KHDRBS2: variants seen among roughly 807,000 people sequenced by gnomAD.
KHDRBS2 encodes the protein KH domain-containing, RNA-binding, signal transduction-associated protein 2.
In KHDRBS2, 26 loss-of-function variants were observed where a neutral mutation model predicts 44.3. That is an observed-to-expected ratio of 0.59 (90% CI 0.43 to 0.81). The LOEUF is 0.81. Among genes scored for constraint, KHDRBS2 ranks in the 40% least tolerant of loss-of-function variants. The probability of loss-of-function intolerance (pLI) is 0.00; values close to 1 mark genes in which losing one functional copy is unlikely to be tolerated. For missense variants in KHDRBS2, 476 were observed against 433.1 expected (o/e 1.10, Z -0.88); for synonymous variants, 194 against 151.1 (o/e 1.28, Z -2.08).
chr6:61,998,453 T>C (rs9345889), intron 3 of KHDRBS2, among the ~76,000 whole-genome samples: 110,910 of 151,878 alleles, frequency 0.73, 41,241 homozygotes, highest in East Asian at 0.81. Context: ...ACATTTTGGT[T>C]TTAATTAATA....
rs10700035 is a variant in KHDRBS2, at chr6:61,916,965, ATTT to A, written c.484-15597_484-15595del. On this transcript the variant is annotated intron_variant, in intron 4 of 8. Coordinates refer to ENST00000281156, the MANE Select transcript of KHDRBS2 (RefSeq NM_152688.4). ...GGATGTGGAGAAACAGGAACTCTGT[ATTT>A]TTTTTTTTTTTTTTTTTTTTTGCTG... Among the ~76,000 whole-genome samples, 259 of 90,634 alleles carry A rather than the reference ATTT, an allele frequency of 2.9e-3. 1 individual carries two copies. Among genetic ancestry groups the A allele is most frequent in the Non-Finnish European group, 3.5e-3 (167 of 48,050 alleles). The allele number at this position is 90,634 out of a possible 152,430, so 59.5% of individuals were successfully genotyped here.
intron 3 of KHDRBS2, among the ~76,000 whole-genome samples, chr6:62,004,723 T>C (rs1037008896): frequency 6.6e-6 from 1 of 152,044 alleles, no homozygotes; most frequent in Non-Finnish European, 1.5e-5. Flanking sequence ...AAGAGAATTT[T>C]AGACCAATAT....
chr6:61,845,194 A>G (rs1035721037), intron 6 of KHDRBS2, among the ~76,000 whole-genome samples: 3 of 152,142 alleles, frequency 2.0e-5, no homozygotes, highest in African/African-American at 7.2e-5. Context: ...TAATTCAAAA[A>G]CGTGTAGCTT....
chr6:61,802,629 T>A (rs1786461888), intron 6 of KHDRBS2, among the ~76,000 whole-genome samples: 1 of 152,188 alleles, frequency 6.6e-6, no homozygotes, highest in Non-Finnish European at 1.5e-5. Flanking sequence ...ATGGCTCCCA[T>A]GTCCCTAAGT....
intron 4 of KHDRBS2, among the ~76,000 whole-genome samples, chr6:61,907,608 T>G (rs1805269168): frequency 6.6e-6 from 1 of 152,216 alleles, no homozygotes; most frequent in Admixed American, 6.5e-5. Flanking sequence ...GGAGTCCAGA[T>G]TCATTCTTCC....
At chr6:61,877,692 A>T (rs542226755) in intron 6 of KHDRBS2, among the ~76,000 whole-genome samples, 1 of 152,092 alleles carries the variant, frequency 6.6e-6, no homozygotes, top group South Asian at 2.1e-4. Flanking sequence ...ACCTCTAAAA[A>T]AATGGTGTAA....
chr6:61,769,224 C>T (rs941371105), intron 6 of KHDRBS2, among the ~76,000 whole-genome samples: 6 of 152,090 alleles, frequency 3.9e-5, no homozygotes, highest in African/African-American at 1.4e-4. Context: ...GTCTACGGAG[C>T]CCAGCATGAG....
chr6:62,151,765 G>A (rs1041448643), intron 2 of KHDRBS2, among the ~76,000 whole-genome samples: 2 of 152,180 alleles, frequency 1.3e-5, no homozygotes, highest in Non-Finnish European at 2.9e-5. Context: ...AAAACTGTCA[G>A]TAGATTGTCC....
At chr6:61,911,787 G>A (rs1455995718) in intron 4 of KHDRBS2, among the ~76,000 whole-genome samples, 1 of 151,680 alleles carries the variant, frequency 6.6e-6, no homozygotes, top group Non-Finnish European at 1.5e-5. Flanking sequence ...CTTTCTTGAA[G>A]CTCTTTGTAA....
intron 3 of KHDRBS2, among the ~76,000 whole-genome samples, chr6:61,998,053 G>A (rs1451333611): frequency 6.6e-6 from 1 of 151,960 alleles, no homozygotes; most frequent in Admixed American, 6.6e-5. Flanking sequence ...CTGAATTATA[G>A]GTATAAATTA....
intron 4 of KHDRBS2, among the ~76,000 whole-genome samples, chr6:61,945,109 A>ATGTATATATAT (rs1256689275): frequency 1.4e-4 from 5 of 36,584 alleles, no homozygotes; most frequent in African/African-American, 2.0e-4. Flanking sequence ...AAAAAAAAAA[A>ATGTATATATAT]AAAGTATATA....
intron 3 of KHDRBS2, among the ~76,000 whole-genome samples, chr6:62,022,224 AT>A (rs1253838650): frequency 6.6e-6 from 1 of 151,728 alleles, no homozygotes; most frequent in Non-Finnish European, 1.5e-5. Flanking sequence ...TGAATTAAAA[AT>A]GTTTAAATAA....
chr6:62,261,576 A>G (rs1271619924), intron 1 of KHDRBS2, among the ~76,000 whole-genome samples: 1 of 151,876 alleles, frequency 6.6e-6, no homozygotes, highest in African/African-American at 2.4e-5. Flanking sequence ...CAGATGAACC[A>G]TTTCCCATTA....
intron 2 of KHDRBS2, among the ~76,000 whole-genome samples, chr6:62,052,486 G>A (rs919011435): frequency 2.0e-5 from 3 of 151,100 alleles, no homozygotes; most frequent in Admixed American, 6.6e-5. Flanking sequence ...TAAGTCAGAG[G>A]ATAAAATGTA....
chr6:61,772,779 A>G (rs1781175991), intron 6 of KHDRBS2, among the ~76,000 whole-genome samples: 1 of 152,036 alleles, frequency 6.6e-6, no homozygotes, highest in Non-Finnish European at 1.5e-5. Context: ...TCCTAAAGCT[A>G]TCCCTACCCC....
At chr6:61,667,660 TTATGTGAC>T in the KHDRBS2 span, among the ~76,000 whole-genome samples, 2 of 141,590 alleles carry the variant, frequency 1.4e-5, no homozygotes, top group African/African-American at 6.2e-5. Context: ...TCATTTTTCC[TTATGTGAC>T]AGCTAGCAAT....
At chr6:61,614,172 G>T in the KHDRBS2 span, among the ~76,000 whole-genome samples, 1 of 152,096 alleles carries the variant, frequency 6.6e-6, no homozygotes, top group Admixed American at 6.6e-5. Flanking sequence ...ATAAAGTCAG[G>T]ATTTGAAGCT....
At chr6:61,569,983 A>G in the KHDRBS2 span, among the ~76,000 whole-genome samples, 1 of 152,164 alleles carries the variant, frequency 6.6e-6, no homozygotes, top group Non-Finnish European at 1.5e-5. Flanking sequence ...ATAAGGAACT[A>G]GAAAAGTAAT....
chr6:61,937,099 T>G (rs1286779657), intron 4 of KHDRBS2, among the ~76,000 whole-genome samples: 3 of 151,994 alleles, frequency 2.0e-5, no homozygotes, highest in African/African-American at 7.2e-5. Flanking sequence ...TTCATGATTT[T>G]CTCTTCATCT....
Sources: allele counts gnomAD v4.1 joint callset (sites outside exome capture counted in the v4.1 genomes callset), GRCh38; gene constraint gnomAD v4.1.1; transcripts MANE v1.5; gene names NCBI Gene and HGNC (gene_info 2026-07-23, HGNC 2026-07-21).